Variants in CDK5RAP2 observed in about 807,000 individuals in gnomAD.
The protein encoded by CDK5RAP2 is CDK5 regulatory subunit-associated protein 2.
A neutral mutation model predicts 232.9 loss-of-function variants in CDK5RAP2; 147 were observed. The observed-to-expected ratio is 0.63, with a 90% confidence interval of 0.55 to 0.72. CDK5RAP2 has a LOEUF of 0.72. Ranked by LOEUF, CDK5RAP2 falls within the 30% of genes least tolerant of loss-of-function variation. The pLI is 0.00. For synonymous variants in CDK5RAP2, 833 were observed against 833.7 expected, an observed-to-expected ratio of 1.00 and a Z score of 0.01; for missense variants, 2,195 against 2,231.5, an observed-to-expected ratio of 0.98 and a Z score of 0.33.
chr9:120,456,981 C>T (rs993457684), intron 20 of CDK5RAP2, among the ~76,000 whole-genome samples: 6 of 152,142 alleles, frequency 3.9e-5, no homozygotes, highest in African/African-American at 1.2e-4. Flanking sequence ...CTTCTCAGAG[C>T]CCAAATATCG....
Position 120,448,079 on chromosome 9 carries a change from T to C in CDK5RAP2, c.2841A>G (p.Ser947=). 1 of 1,614,214 alleles carries C rather than the reference T, an allele frequency of 6.2e-7. No individual in the cohort carries two copies. The change falls in exon 22 of 38, where the codon TCA becomes TCG. Residue 947 remains serine (S), a synonymous_variant. Transcript: ENST00000349780. ...CAGGGAGACGATACATATTTCCTAATGACCGGGATGGTTTTATTAGGATTG... is the reference window on the plus strand; with the variant it reads ...CAGGGAGACGATACATATTTCCTAACGACCGGGATGGTTTTATTAGGATTG... ...RLPILIKPSR[S]LGNMYRLPAT...
At chr9:120,423,210 T>C (rs996402707) in intron 25 of CDK5RAP2, among the ~76,000 whole-genome samples, 9 of 152,336 alleles carry the variant, frequency 5.9e-5, no homozygotes, top group African/African-American at 2.2e-4. Flanking sequence ...GCCATTTCTC[T>C]TACTAAATTT....
At chr9:120,447,657 C>T (rs2036264791) in intron 22 of CDK5RAP2, among the ~76,000 whole-genome samples, 1 of 152,184 alleles carries the variant, frequency 6.6e-6, no homozygotes, top group South Asian at 2.1e-4. Flanking sequence ...CCCCCTCAGA[C>T]CTATGAGCAC....
chr9:120,437,365 G>C lies in CDK5RAP2; in HGVS notation c.3885C>G (p.Ala1295=). The C allele has an allele frequency of 6.2e-7, 1 of 1,613,938 alleles. No individual in the cohort carries two copies. Among genetic ancestry groups the C allele is most frequent in the East Asian group, 2.2e-5 (1 of 44,874 alleles). The change falls in exon 25 of 38, where the codon GCC becomes GCG. Residue 1295 remains alanine, a synonymous_variant. Transcript: ENST00000349780. ...GATTCAGCTGTTCCTGGAAACCCTCGGCCACACAGTAATCCACATCACTGG... is the reference window on the plus strand; with the variant it reads ...GATTCAGCTGTTCCTGGAAACCCTCCGCCACACAGTAATCCACATCACTGG... ...LQASDVDYCV[A]EGFQEQLNQC... is the part of the protein sequence containing the mutation.
chr9:120,563,512 T>G (rs2042535408), intron 3 of CDK5RAP2, among the ~76,000 whole-genome samples: 1 of 152,216 alleles, frequency 6.6e-6, no homozygotes, highest in African/African-American at 2.4e-5. Context: ...CAGCATTCAT[T>G]GAGTACCCTC....
chr9:120,463,535 T>A (rs900144327), intron 18 of CDK5RAP2, among the ~76,000 whole-genome samples: 8 of 152,124 alleles, frequency 5.3e-5, no homozygotes, highest in African/African-American at 1.9e-4. Context: ...CTTGTTGTAT[T>A]AATGAGAGAT....
At chr9:120,579,769 G>C in intron 1 of CDK5RAP2, 151 bp downstream of exon 1, 1 of 642,548 alleles carries the variant, frequency 1.6e-6, no homozygotes, top group South Asian at 1.9e-5. Context: ...CAGGTGGTGG[G>C]CCCCCCAGAG....
intron 11 of CDK5RAP2, among the ~76,000 whole-genome samples, chr9:120,523,698 C>G (rs2040771971): frequency 6.6e-6 from 1 of 152,102 alleles, no homozygotes. Flanking sequence ...AACATCAGTG[C>G]AAGAGGTGGG....
At chr9:120,418,979 A>G (rs2034402346) in intron 27 of CDK5RAP2, among the ~76,000 whole-genome samples, 1 of 152,358 alleles carries the variant, frequency 6.6e-6, no homozygotes, top group South Asian at 2.1e-4. Context: ...TGTGTCTCCA[A>G]AATTCCTATG....
At chr9:120,438,223 C>G (rs1384928806) in intron 24 of CDK5RAP2, among the ~76,000 whole-genome samples, 1 of 152,208 alleles carries the variant, frequency 6.6e-6, no homozygotes, top group Non-Finnish European at 1.5e-5. Flanking sequence ...AAGAGAAAGA[C>G]ACTGAGAAGT....
At chr9:120,569,606 T>C (rs1312142412) in intron 2 of CDK5RAP2, among the ~76,000 whole-genome samples, 1 of 152,194 alleles carries the variant, frequency 6.6e-6, no homozygotes, top group Non-Finnish European at 1.5e-5. Context: ...GCCAATAGGC[T>C]GGAGCTCAAT....
At chr9:120,441,209 GA>G (rs752124151) in intron 23 of CDK5RAP2, among the ~76,000 whole-genome samples, 18 of 152,178 alleles carry the variant, frequency 1.2e-4, no homozygotes, top group Non-Finnish European at 2.5e-4. Context: ...TCAATATAGA[GA>G]GCTGTCTGAA....
At position 120,408,487 on chromosome 9, in the gene CDK5RAP2, C is replaced by A; in HGVS notation, c.4605-19G>T. ...CTGCACCCTGAGAAGGCCCCACAGG[C>A]ATGAGAAGGACAGGTTAATTCTACC... is the stretch of plus-strand genomic sequence containing the variant. On this transcript the variant is annotated intron_variant, in intron 30 of 37. Coordinates refer to ENST00000349780, the MANE Select transcript of CDK5RAP2 (RefSeq NM_018249.6). 2 of 1,613,960 alleles carry A rather than the reference C, an allele frequency of 1.2e-6. No homozygotes were observed. The highest frequency in any genetic ancestry group is 1.7e-6 in the Non-Finnish European group (2 of 1,179,932).
At chr9:120,560,856 A>C (rs1250838416) in intron 3 of CDK5RAP2, among the ~76,000 whole-genome samples, 1 of 152,002 alleles carries the variant, frequency 6.6e-6, no homozygotes, top group African/African-American at 2.4e-5. Context: ...ACCCCAGGTG[A>C]TATGCCCGCC....
intron 6 of CDK5RAP2, among the ~76,000 whole-genome samples, chr9:120,537,685 T>C (rs1422172653): frequency 6.7e-6 from 1 of 149,792 alleles, no homozygotes; most frequent in Non-Finnish European, 1.5e-5. Context: ...TGTTTCATCA[T>C]CTGTTTAAAA....
At chr9:120,579,519 G>A (rs1412339337) in intron 1 of CDK5RAP2, among the ~76,000 whole-genome samples, 1 of 152,084 alleles carries the variant, frequency 6.6e-6, no homozygotes, top group Non-Finnish European at 1.5e-5. Flanking sequence ...CAAAGTCTGG[G>A]CATACCGGCT....
chr9:120,516,403 T>C (rs1202549621), intron 12 of CDK5RAP2, among the ~76,000 whole-genome samples: 1 of 150,062 alleles, frequency 6.7e-6, no homozygotes, highest in African/African-American at 2.4e-5. Flanking sequence ...CATTAGGAGA[T>C]ATACCTAATG....
In CDK5RAP2 at chr9:120,395,988, T is replaced by C. The variant is rs183118079; in HGVS notation, c.5452-1350A>G. Among the ~76,000 whole-genome samples, 653 of 152,358 alleles carry C rather than the reference T, an allele frequency of 4.3e-3. 4 individuals carry two copies. Among genetic ancestry groups the C allele is most frequent in the Non-Finnish European group, 7.5e-3 (508 of 68,046 alleles). ...AATTGGAAGTGACAGACATACATTA[T>C]GGATGCAGTTTATGAAAGAAAGAAG... On this transcript the variant is annotated intron_variant, in intron 35 of 37. Transcript: ENST00000349780.
intron 4 of CDK5RAP2, among the ~76,000 whole-genome samples, chr9:120,547,473 A>C (rs1349843110): frequency 6.6e-6 from 1 of 152,038 alleles, no homozygotes; most frequent in Admixed American, 6.6e-5. Context: ...GAGTGGTGGC[A>C]CATGCCTGTA....
Sources: allele counts gnomAD v4.1 joint callset (sites outside exome capture counted in the v4.1 genomes callset), GRCh38; gene constraint gnomAD v4.1.1; transcripts MANE v1.5; gene names NCBI Gene and HGNC (gene_info 2026-07-23, HGNC 2026-07-21).